The following RBFOX1 variants were observed in gnomAD, a reference collection of about 807,000 sequenced individuals.
The protein encoded by RBFOX1 is RNA binding fox-1 homolog 1.
A neutral mutation model predicts 57.7 loss-of-function variants in RBFOX1; 8 were observed. The ratio of observed to expected loss-of-function variants is 0.14; its 90% CI spans 0.08 to 0.25. The LOEUF is 0.25. Among genes scored for constraint, RBFOX1 ranks in the 10% least tolerant of loss-of-function variants. RBFOX1 has a pLI of 1.00. For synonymous variants in RBFOX1, 326 were observed against 222.4 expected (o/e 1.47, Z -4.15); for missense variants, 611 against 548.5 (o/e 1.11, Z -1.14).
intron 3 of RBFOX1, among the ~76,000 whole-genome samples, chr16:5,786,916 A>T (rs2054521528): frequency 6.6e-6 from 1 of 152,152 alleles, no homozygotes; most frequent in Non-Finnish European, 1.5e-5. Context: ...TGGGTGGGTC[A>T]CTTGAGGTCA....
intron 2 of RBFOX1, among the ~76,000 whole-genome samples, chr16:5,526,671 C>G (rs981604115): frequency 6.6e-6 from 1 of 152,166 alleles, no homozygotes; most frequent in East Asian, 1.9e-4. Flanking sequence ...GCATCCCAGC[C>G]CAGGTCTGTT....
intron 3 of RBFOX1, among the ~76,000 whole-genome samples, chr16:5,821,017 G>A (rs879628778): frequency 6.6e-6 from 1 of 152,128 alleles, no homozygotes; most frequent in African/African-American, 2.4e-5. Flanking sequence ...CAGTCCTCAA[G>A]TGCCTGATTT....
chr16:6,493,402 G>A (rs939723788), intron 2 of RBFOX1, among the ~76,000 whole-genome samples: 5 of 152,042 alleles, frequency 3.3e-5, no homozygotes, highest in East Asian at 1.9e-4. Flanking sequence ...GTCATTCATC[G>A]CCGGTACTGC....
intron 3 of RBFOX1, among the ~76,000 whole-genome samples, chr16:5,768,236 A>C (rs1051642334): frequency 2.0e-5 from 3 of 152,228 alleles, no homozygotes; most frequent in Non-Finnish European, 4.4e-5. Flanking sequence ...ATAATGAGAT[A>C]CGTGAACCCA....
At chr16:6,949,153 TC>T (rs1361141652) in intron 3 of RBFOX1, among the ~76,000 whole-genome samples, 1 of 151,952 alleles carries the variant, frequency 6.6e-6, no homozygotes, top group Non-Finnish European at 1.5e-5. Flanking sequence ...ACTGATGCCT[TC>T]CCCCACCCCC....
chr16:7,218,059 G>T (rs917120097), intron 4 of RBFOX1, among the ~76,000 whole-genome samples: 5 of 130,306 alleles, frequency 3.8e-5, no homozygotes, highest in Non-Finnish European at 7.9e-5. Context: ...TTGCATGCGT[G>T]TGCGTGTGTG....
At chr16:6,107,140 C>G (rs2096390605) in intron 1 of RBFOX1, among the ~76,000 whole-genome samples, 2 of 152,078 alleles carry the variant, frequency 1.3e-5, no homozygotes, top group South Asian at 4.1e-4. Context: ...TGTGCCTTTG[C>G]TTTTTTGTTT....
intron 1 of RBFOX1, among the ~76,000 whole-genome samples, chr16:5,320,866 C>A (rs1036126737): frequency 1.3e-5 from 2 of 152,198 alleles, no homozygotes; most frequent in Non-Finnish European, 2.9e-5. Context: ...GTGTGCGCAG[C>A]TGAACCCACC....
At chr16:5,291,385 C>A (rs765364583) in intron 1 of RBFOX1, among the ~76,000 whole-genome samples, 2 of 151,432 alleles carry the variant, frequency 1.3e-5, no homozygotes, top group East Asian at 3.9e-4. Flanking sequence ...GCCTCAGCCT[C>A]CCGAGTAGCT....
intron 3 of RBFOX1, among the ~76,000 whole-genome samples, chr16:7,051,753 G>A (rs1388651065): frequency 6.6e-6 from 1 of 152,050 alleles, no homozygotes; most frequent in Non-Finnish European, 1.5e-5. Context: ...AAAAGGGTGG[G>A]GAGTTTCATG....
At chr16:5,817,779 C>T (rs1410625136) in intron 3 of RBFOX1, among the ~76,000 whole-genome samples, 5 of 151,446 alleles carry the variant, frequency 3.3e-5, no homozygotes, top group South Asian at 2.1e-4. Context: ...ACTGCAGCTC[C>T]GACTCCCGGG....
At chr16:6,728,061 G>C (rs2067656561) in intron 3 of RBFOX1, among the ~76,000 whole-genome samples, 2 of 152,186 alleles carry the variant, frequency 1.3e-5, no homozygotes, top group Non-Finnish European at 2.9e-5. Flanking sequence ...ACATAATGCA[G>C]TCAGGATTTT....
At chr16:7,340,014 A>G (rs1230747711) in intron 4 of RBFOX1, among the ~76,000 whole-genome samples, 2 of 152,162 alleles carry the variant, frequency 1.3e-5, no homozygotes, top group Non-Finnish European at 2.9e-5. Flanking sequence ...CTTCCCAACT[A>G]TTCCAGCAAG....
chr16:6,995,922 A>G (rs2092183573), intron 3 of RBFOX1, among the ~76,000 whole-genome samples: 1 of 152,208 alleles, frequency 6.6e-6, no homozygotes, highest in Non-Finnish European at 1.5e-5. Flanking sequence ...AAGCATATAT[A>G]GGAAAAAACA....
At chr16:6,535,359 G>A (rs1174390892) in intron 2 of RBFOX1, among the ~76,000 whole-genome samples, 1 of 152,156 alleles carries the variant, frequency 6.6e-6, no homozygotes, top group Non-Finnish European at 1.5e-5. Flanking sequence ...AGGTCAGTGT[G>A]GGATAATTGT....
At chr16:7,207,289 A>C (rs527673895) in intron 4 of RBFOX1, among the ~76,000 whole-genome samples, 2 of 152,120 alleles carry the variant, frequency 1.3e-5, no homozygotes, top group African/African-American at 2.4e-5. Context: ...TCATTCTGCT[A>C]GCTTCAGGTT....
intron 4 of RBFOX1, among the ~76,000 whole-genome samples, chr16:7,111,183 T>G (rs1040053596): frequency 6.6e-6 from 1 of 152,208 alleles, no homozygotes; most frequent in African/African-American, 2.4e-5. Context: ...TATTCTGCAA[T>G]GCTCAGTATT....
chr16:5,277,365 T>C (rs1484974957), intron 1 of RBFOX1, among the ~76,000 whole-genome samples: 1 of 152,160 alleles, frequency 6.6e-6, no homozygotes, highest in Non-Finnish European at 1.5e-5. Flanking sequence ...GCTCTGGCGA[T>C]GGGTGTGCCA....
chr16:7,217,945 T>TGC (rs1249976846), intron 4 of RBFOX1, among the ~76,000 whole-genome samples: 2 of 151,618 alleles, frequency 1.3e-5, no homozygotes, highest in African/African-American at 4.9e-5. Context: ...TGCATGTGTG[T>TGC]GTGTGTGCAC....
Sources: allele counts gnomAD v4.1 joint callset (sites outside exome capture counted in the v4.1 genomes callset), GRCh38; gene constraint gnomAD v4.1.1; transcripts MANE v1.5; gene names NCBI Gene and HGNC (gene_info 2026-07-23, HGNC 2026-07-21).